The following AGBL1 variants were observed in gnomAD, a reference collection of about 807,000 sequenced individuals.
AGBL1 encodes cytosolic carboxypeptidase 4.
A neutral mutation model predicts 118.9 loss-of-function variants in AGBL1; 130 were observed. The ratio of observed to expected loss-of-function variants is 1.09; its 90% CI spans 0.95 to 1.26. AGBL1 has a LOEUF of 1.26. Among genes scored for constraint, AGBL1 ranks in the 50% most tolerant of loss-of-function variants. AGBL1 has a pLI of 0.00. For synonymous variants in AGBL1, 555 were observed against 478.9 expected (o/e 1.16, Z -2.08); for missense variants, 1,584 against 1,298.1 (o/e 1.22, Z -3.38).
At chr15:86,623,992 A>G (rs2084848682) in intron 21 of AGBL1, among the ~76,000 whole-genome samples, 1 of 152,238 alleles carries the variant, frequency 6.6e-6, no homozygotes, top group Admixed American at 6.5e-5. Context: ...AAAAGCAAGC[A>G]TAAAAAATAA....
At chr15:86,471,397 A>G (rs1046739033) in intron 18 of AGBL1, among the ~76,000 whole-genome samples, 1 of 152,016 alleles carries the variant, frequency 6.6e-6, no homozygotes, top group Non-Finnish European at 1.5e-5. Context: ...GACAAATTCC[A>G]CTTGATCTCA....
chr15:86,112,212 A>C (rs2141544263), intron 1 of AGBL1, among the ~76,000 whole-genome samples: 1 of 152,264 alleles, frequency 6.6e-6, no homozygotes, highest in Non-Finnish European at 1.5e-5. Flanking sequence ...CCACCCTGTC[A>C]TGAAAAAATT....
intron 5 of AGBL1, among the ~76,000 whole-genome samples, chr15:86,184,084 T>C (rs943896310): frequency 6.6e-6 from 1 of 152,198 alleles, no homozygotes; most frequent in Non-Finnish European, 1.5e-5. Flanking sequence ...TATAATGTCT[T>C]ATTGATAGAG....
At chr15:86,759,843 T>C (rs1242855793) in intron 22 of AGBL1, among the ~76,000 whole-genome samples, 1 of 152,168 alleles carries the variant, frequency 6.6e-6, no homozygotes, top group Non-Finnish European at 1.5e-5. Flanking sequence ...TAATCATTTT[T>C]AAAAATCACA....
In AGBL1 at chr15:86,089,092, T is replaced by A. The variant is rs191409178; in HGVS notation, c.51+9069T>A. 3.0e-3 allele frequency among the ~76,000 whole-genome samples: 462 copies of A among 152,276 alleles called. 16 individuals carry two copies. In the South Asian group the frequency reaches 0.066, roughly 22 times the overall value. The stretch of plus-strand genomic sequence containing the variant: ...TTTGAAACCATCTTGGAAATAAAAA[T>A]TTTTTTGGCAAAACCCACTAGTATT... On this transcript the variant is annotated intron_variant, in intron 1 of 22. Transcript: ENST00000614907.
At chr15:86,163,618 C>T (rs2077297050) in intron 5 of AGBL1, among the ~76,000 whole-genome samples, 1 of 151,956 alleles carries the variant, frequency 6.6e-6, no homozygotes, top group Non-Finnish European at 1.5e-5. Flanking sequence ...ATCCCAGCTA[C>T]CTGGGAGGCT....
At chr15:86,349,260 G>A (rs1442267030) in intron 17 of AGBL1, among the ~76,000 whole-genome samples, 1 of 152,148 alleles carries the variant, frequency 6.6e-6, no homozygotes, top group East Asian at 1.9e-4. Flanking sequence ...GATTCATGTG[G>A]AAACAAATAC....
chr15:86,946,421 T>G (rs957699024), intron 23 of AGBL1: 2 of 152,210 alleles, frequency 1.3e-5, no homozygotes, highest in South Asian at 4.1e-4. Context: ...AGTGCTAGTT[T>G]ATATAGTATA....
In AGBL1 at chr15:86,722,859, T is replaced by C. The variant is rs1311534149; in HGVS notation, c.3158+48423T>C. The stretch of plus-strand genomic sequence containing the variant: ...GTGGGTGAAGGATATGAACAGACAC[T>C]TCTCAAAAGAAGACATTTATGCAGC... On this transcript the variant is annotated intron_variant, in intron 22 of 22. Transcript: ENST00000614907. Among the ~76,000 whole-genome samples, 4 of 152,244 alleles carry C rather than the reference T, an allele frequency of 2.6e-5. No homozygotes were observed. The East Asian group carries it at 5.8e-4, about 22-fold the overall frequency.
intron 22 of AGBL1, among the ~76,000 whole-genome samples, chr15:86,706,231 A>G (rs764835324): frequency 1.3e-5 from 2 of 152,148 alleles, no homozygotes; most frequent in African/African-American, 2.4e-5. Context: ...TTTAACCTTA[A>G]TTCATTTTTT....
At chr15:86,140,656 C>G (rs1257873023) in intron 1 of AGBL1, among the ~76,000 whole-genome samples, 1 of 152,068 alleles carries the variant, frequency 6.6e-6, no homozygotes, top group Non-Finnish European at 1.5e-5. Flanking sequence ...AGAAGGGACT[C>G]CAGACCCAGC....
intron 22 of AGBL1, among the ~76,000 whole-genome samples, chr15:86,755,052 G>T (rs997940489): frequency 4.6e-5 from 7 of 152,096 alleles, no homozygotes; most frequent in African/African-American, 1.7e-4. Flanking sequence ...ATGGGAAATT[G>T]CATCATCCAT....
intron 21 of AGBL1, among the ~76,000 whole-genome samples, chr15:86,619,349 T>C (rs1192152765): frequency 6.6e-6 from 1 of 152,212 alleles, no homozygotes; most frequent in African/African-American, 2.4e-5. Context: ...TTTTAAGATC[T>C]ACCCCTGACT....
At chr15:86,433,115 G>C (rs550896621) in intron 18 of AGBL1, among the ~76,000 whole-genome samples, 1 of 152,256 alleles carries the variant, frequency 6.6e-6, no homozygotes, top group Admixed American at 6.5e-5. Context: ...GGAGCCAAAG[G>C]TCAGTGGCCT....
chr15:86,629,405 T>G (rs1396824279), intron 21 of AGBL1, among the ~76,000 whole-genome samples: 3 of 152,204 alleles, frequency 2.0e-5, no homozygotes, highest in Admixed American at 6.5e-5. Flanking sequence ...AGTCTTATGA[T>G]TATCTGCATA....
At chr15:86,224,275 C>T (rs561782589) in intron 5 of AGBL1, among the ~76,000 whole-genome samples, 28 of 152,250 alleles carry the variant, frequency 1.8e-4, no homozygotes, top group African/African-American at 5.5e-4. Context: ...ATTGAAAAGC[C>T]ACTAAGATGT....
chr15:86,811,913 C>G (rs920195798), intron 22 of AGBL1, among the ~76,000 whole-genome samples: 29 of 152,300 alleles, frequency 1.9e-4, no homozygotes, highest in African/African-American at 7.0e-4. Flanking sequence ...TGGCTACAGC[C>G]ATTTTCAAAG....
chr15:87,006,764 G>A (rs191818039), intron 24 of AGBL1, among the ~76,000 whole-genome samples: 58 of 152,228 alleles, frequency 3.8e-4, no homozygotes, highest in East Asian at 1.9e-3. Flanking sequence ...CGTCTTCTGC[G>A]TCACTCACTC....
At chr15:86,207,115 T>G (rs1216599406) in intron 5 of AGBL1, among the ~76,000 whole-genome samples, 1 of 152,096 alleles carries the variant, frequency 6.6e-6, no homozygotes, top group Non-Finnish European at 1.5e-5. Context: ...AAGATCAGAT[T>G]ATTGTAGATG....
Sources: allele counts gnomAD v4.1 joint callset (sites outside exome capture counted in the v4.1 genomes callset), GRCh38; gene constraint gnomAD v4.1.1; transcripts MANE v1.5; gene names NCBI Gene and HGNC (gene_info 2026-07-23, HGNC 2026-07-21).